Variants in PACRG observed in about 807,000 individuals in gnomAD.
PACRG encodes parkin coregulated gene protein.
A neutral mutation model predicts 29.7 loss-of-function variants in PACRG; 29 were observed. The observed-to-expected ratio is 0.98, with a 90% CI of 0.73 to 1.33. PACRG has a LOEUF of 1.33. Among genes scored for constraint, PACRG ranks in the 40% most tolerant of loss-of-function variants. PACRG has a pLI of 0.00. For synonymous variants in PACRG, 116 were observed against 118.7 expected, an observed-to-expected ratio of 0.98 and a Z score of 0.15; for missense variants, 279 against 316.2, an observed-to-expected ratio of 0.88 and a Z score of 0.89.
At position 163,179,707 on chromosome 6, in the gene PACRG, CAAAAA is replaced by C. The variant is rs200887172; in HGVS notation, c.613+90313_613+90317del. 2.4e-3 allele frequency among the ~76,000 whole-genome samples: 248 copies of C among 103,916 alleles called. 4 individuals carry two copies. Among genetic ancestry groups the C allele is most frequent in the Middle Eastern group, 0.016 (3 of 190 alleles). 68.2% of individuals were successfully genotyped at this position (103,916 alleles called of 152,430 possible). On this transcript the variant is annotated intron_variant, in intron 4 of 4. Transcript: ENST00000366888. ...CGGAGCAAGAGAGCAAGATCTGTCT[CAAAAA>C]AAAAAAAAAAAAATTTTCTTACATC...
intron 2 of PACRG, among the ~76,000 whole-genome samples, chr6:162,999,320 G>A (rs1804373778): frequency 6.6e-6 from 1 of 152,198 alleles, no homozygotes; most frequent in Non-Finnish European, 1.5e-5. Context: ...CTCACTGAGT[G>A]TATAGAATGG....
intron 4 of PACRG, among the ~76,000 whole-genome samples, chr6:163,239,443 C>T (rs909160962): frequency 6.6e-6 from 1 of 152,120 alleles, no homozygotes; most frequent in Non-Finnish European, 1.5e-5. Flanking sequence ...CACTTCAACA[C>T]TTGATCATTT....
chr6:163,035,799 T>G (rs1808119007), intron 2 of PACRG, among the ~76,000 whole-genome samples: 1 of 116,308 alleles, frequency 8.6e-6, no homozygotes. Context: ...GTGACAAGAG[T>G]GAGACTCTGT....
intron 1 of PACRG, among the ~76,000 whole-genome samples, chr6:162,771,549 G>A (rs1312252418): frequency 6.6e-6 from 1 of 152,076 alleles, no homozygotes; most frequent in African/African-American, 2.4e-5. Flanking sequence ...AGAGTTAATG[G>A]CATTTTTACG....
intron 1 of PACRG, among the ~76,000 whole-genome samples, chr6:162,770,034 A>G (rs1005845983): frequency 6.6e-6 from 1 of 152,130 alleles, no homozygotes; most frequent in African/African-American, 2.4e-5. Context: ...TATCACAAAT[A>G]AATGAAAAGT....
intron 4 of PACRG, among the ~76,000 whole-genome samples, chr6:163,199,948 A>G (rs976298006): frequency 1.1e-4 from 17 of 152,330 alleles, no homozygotes; most frequent in Admixed American, 1.1e-3. Context: ...ATCACTGCCT[A>G]GAGGAAGGTC....
intron 2 of PACRG, among the ~76,000 whole-genome samples, chr6:162,857,055 G>C (rs1394068847): frequency 2.0e-5 from 3 of 152,200 alleles, no homozygotes; most frequent in Non-Finnish European, 2.9e-5. Context: ...AATCCCTGCT[G>C]CTTTGAGCCT....
rs553718990 is a variant in PACRG, at chr6:162,894,661, T to TA, written c.291+80387dup. On this transcript the variant is annotated intron_variant, in intron 2 of 4. Coordinates refer to ENST00000366888, the MANE Select transcript of PACRG (RefSeq NM_001080379.2). ...GGATTGCATGTTATTATGCAATTTT[T>TA]AAAAAAATGGTAGAGCCTCTGGATG... Among the ~76,000 whole-genome samples the TA allele has an allele frequency of 4.8e-4, 73 of 152,280 alleles. No individual in the cohort carries two copies. The East Asian group carries it at 0.011, about 22-fold the overall frequency.
chr6:163,056,143 C>A (rs899674548), intron 2 of PACRG, among the ~76,000 whole-genome samples: 3 of 152,126 alleles, frequency 2.0e-5, no homozygotes, highest in African/African-American at 7.2e-5. Flanking sequence ...GTGACTGGAG[C>A]CCTCATACAT....
chr6:163,308,679 A>G (rs11760071), intron 4 of PACRG, among the ~76,000 whole-genome samples: 43,247 of 150,466 alleles, frequency 0.29, 6,639 homozygotes, highest in African/African-American at 0.38. Flanking sequence ...AAAAAAAAAA[A>G]GGAAAATTTA....
At chr6:163,249,974 T>C (rs1782839293) in intron 4 of PACRG, among the ~76,000 whole-genome samples, 1 of 152,176 alleles carries the variant, frequency 6.6e-6, no homozygotes, top group Non-Finnish European at 1.5e-5. Flanking sequence ...CCCATTGTGG[T>C]TCCCACCGCA....
intron 3 of PACRG, among the ~76,000 whole-genome samples, chr6:163,082,474 A>G (rs1813173952): frequency 1.3e-5 from 2 of 152,210 alleles, no homozygotes; most frequent in Non-Finnish European, 1.5e-5. Flanking sequence ...ATTAAAACAC[A>G]AAGTTACAAT....
chr6:163,266,839 G>A (rs1783545192), intron 4 of PACRG, among the ~76,000 whole-genome samples: 1 of 152,128 alleles, frequency 6.6e-6, no homozygotes, highest in Non-Finnish European at 1.5e-5. Flanking sequence ...TCTAGACCGT[G>A]GCCACAAGAT....
chr6:163,149,590 C>G (rs917468494), intron 4 of PACRG, among the ~76,000 whole-genome samples: 18 of 152,160 alleles, frequency 1.2e-4, no homozygotes, highest in Admixed American at 4.6e-4. Context: ...TCCCCGACCC[C>G]GCGAGCCTCC....
intron 2 of PACRG, among the ~76,000 whole-genome samples, chr6:163,005,805 C>A (rs943025570): frequency 1.4e-5 from 2 of 146,456 alleles, no homozygotes; most frequent in South Asian, 4.3e-4. Flanking sequence ...TATATATATA[C>A]AACATAGTTA....
chr6:162,970,496 G>C (rs1017273798), intron 2 of PACRG, among the ~76,000 whole-genome samples: 7 of 152,146 alleles, frequency 4.6e-5, no homozygotes, highest in Non-Finnish European at 1.0e-4. Context: ...TTCCTATGTA[G>C]TGAACAAGCA....
rs112152621 is a variant in PACRG, at chr6:163,285,559, C to T, written c.614-29268C>T. ...CTTTAATCTCTGCTTCACATCATGGCGGGAGAAGCCAAAGGGCCCCGGAGA... is the reference window on the plus strand; with the variant it reads ...CTTTAATCTCTGCTTCACATCATGGTGGGAGAAGCCAAAGGGCCCCGGAGA... On this transcript the variant is annotated intron_variant, in intron 4 of 4. Transcript: ENST00000366888. Among the ~76,000 whole-genome samples, 748 of 152,268 alleles carry T rather than the reference C, an allele frequency of 4.9e-3. 4 individuals carry two copies. The highest frequency in any genetic ancestry group is 4.9e-3 in the Non-Finnish European group (336 of 68,012).
At chr6:162,873,206 TTGTG>T (rs35191237) in intron 2 of PACRG, among the ~76,000 whole-genome samples, 1 of 150,298 alleles carries the variant, frequency 6.7e-6, no homozygotes, top group Non-Finnish European at 1.5e-5. Context: ...GTTTTTCTGT[TTGTG>T]TGTGTGTGTG....
At chr6:162,978,632 A>C (rs1030710410) in intron 2 of PACRG, among the ~76,000 whole-genome samples, 3 of 152,150 alleles carry the variant, frequency 2.0e-5, no homozygotes, top group Non-Finnish European at 4.4e-5. Context: ...TGTTAGACTT[A>C]TTTTATTCAG....
Sources: allele counts gnomAD v4.1 joint callset (sites outside exome capture counted in the v4.1 genomes callset), GRCh38; gene constraint gnomAD v4.1.1; transcripts MANE v1.5; gene names NCBI Gene and HGNC (gene_info 2026-07-23, HGNC 2026-07-21).